Variants in OLFM3 observed in about 807,000 individuals in gnomAD.
OLFM3 encodes the protein olfactomedin 3.
In OLFM3, 20 loss-of-function variants were observed where a neutral mutation model predicts 48.6. The ratio of observed to expected loss-of-function variants is 0.41; its 90% CI spans 0.29 to 0.60. OLFM3 has a LOEUF of 0.60. OLFM3 is among the 20% of genes least tolerant of loss of function. The probability of loss-of-function intolerance (pLI) is 0.28; values close to 1 mark genes in which losing one functional copy is unlikely to be tolerated. For synonymous variants in OLFM3, 222 were observed against 198.1 expected, an observed-to-expected ratio of 1.12 and a Z score of -1.01; for missense variants, 437 against 544.3, an observed-to-expected ratio of 0.80 and a Z score of 1.96.
chr1:101,830,384 A>G (rs796140884), intron 3 of OLFM3, among the ~76,000 whole-genome samples: 31 of 152,322 alleles, frequency 2.0e-4, no homozygotes, highest in African/African-American at 5.5e-4. Flanking sequence ...GCATAAAACC[A>G]TTAGAGAAAC....
intron 1 of OLFM3, among the ~76,000 whole-genome samples, chr1:101,978,567 A>G (rs2101105687): frequency 6.6e-6 from 1 of 152,312 alleles, no homozygotes; most frequent in Admixed American, 6.5e-5. Flanking sequence ...CATTTAAAAA[A>G]TTATGTAATT....
At chr1:101,874,455 T>A (rs1372191016) in intron 1 of OLFM3, among the ~76,000 whole-genome samples, 5 of 151,168 alleles carry the variant, frequency 3.3e-5, no homozygotes, top group African/African-American at 1.2e-4. Context: ...CAATTTCTTT[T>A]CTGTATCTTT....
chr1:101,982,244 T>C (rs1010145380), intron 1 of OLFM3, among the ~76,000 whole-genome samples: 3 of 152,146 alleles, frequency 2.0e-5, no homozygotes, highest in African/African-American at 7.2e-5. Flanking sequence ...ATGATTATCA[T>C]AGGGTCCAAT....
At chr1:101,893,620 T>C (rs563388195) in intron 1 of OLFM3, 37 of 208,452 alleles carry the variant, frequency 1.8e-4, no homozygotes, top group African/African-American at 8.4e-4. Flanking sequence ...TGTATGGATA[T>C]ACAGCTGGTT....
At chr1:101,812,749 G>A (rs1250639403) in intron 4 of OLFM3, 1 of 987,470 alleles carries the variant, frequency 1.0e-6, no homozygotes, top group Non-Finnish European at 1.2e-6. Flanking sequence ...GAGGTTAAAA[G>A]CTTCTGGCTC....
intron 1 of OLFM3, among the ~76,000 whole-genome samples, chr1:101,957,825 G>A (rs144927977): frequency 3.1e-4 from 47 of 152,146 alleles, no homozygotes; most frequent in African/African-American, 1.1e-3. Flanking sequence ...ATAAGGAAGT[G>A]AGAATGGAAA....
rs553587401 is a variant in OLFM3, at chr1:101,910,581, G to A, written c.70-73556C>T. On this transcript the variant is annotated intron_variant, in intron 1 of 5. Coordinates refer to ENST00000370103, the MANE Select transcript of OLFM3 (RefSeq NM_058170.4). ...TCAACATGAACTGAAAAATATATGC[G>A]GTATACATAAAATATACTTAAAATC... Among the ~76,000 whole-genome samples the A allele has an allele frequency of 9.9e-5, 15 of 152,072 alleles. No homozygotes were observed. In the South Asian group the frequency reaches 2.5e-3, roughly 25 times the overall value.
intron 1 of OLFM3, among the ~76,000 whole-genome samples, chr1:101,993,779 G>T (rs1262313638): frequency 6.6e-6 from 1 of 151,964 alleles, no homozygotes; most frequent in Non-Finnish European, 1.5e-5. Flanking sequence ...CAGTAAATGA[G>T]AGAAAAGAAA....
intron 4 of OLFM3, among the ~76,000 whole-genome samples, chr1:101,821,471 C>A (rs1177102979): frequency 6.6e-6 from 1 of 151,840 alleles, no homozygotes; most frequent in Non-Finnish European, 1.5e-5. Context: ...TGGCTTTATA[C>A]TTCACTGTAT....
At chr1:101,883,495 C>T (rs1421268305) in intron 1 of OLFM3, among the ~76,000 whole-genome samples, 1 of 151,740 alleles carries the variant, frequency 6.6e-6, no homozygotes, top group Non-Finnish European at 1.5e-5. Context: ...GGAGTACCTC[C>T]TATTGTATAT....
At chr1:101,849,732 G>C (rs1011089182) in intron 1 of OLFM3, among the ~76,000 whole-genome samples, 3 of 152,144 alleles carry the variant, frequency 2.0e-5, no homozygotes, top group Non-Finnish European at 4.4e-5. Flanking sequence ...ATTCCATAAA[G>C]GTCTGCACAA....
chr1:101,891,120 C>T (rs946768040), intron 1 of OLFM3, among the ~76,000 whole-genome samples: 2 of 151,958 alleles, frequency 1.3e-5, no homozygotes, highest in Admixed American at 1.3e-4. Context: ...GTTGAACTAA[C>T]GTCAGCACCC....
At chr1:101,948,243 A>G (rs1429362392) in intron 1 of OLFM3, among the ~76,000 whole-genome samples, 1 of 152,192 alleles carries the variant, frequency 6.6e-6, no homozygotes, top group Non-Finnish European at 1.5e-5. Context: ...TACTGATAAT[A>G]AATTGTTCAA....
intron 1 of OLFM3, among the ~76,000 whole-genome samples, chr1:101,876,132 G>C (rs1657290562): frequency 6.6e-6 from 1 of 151,930 alleles, no homozygotes; most frequent in African/African-American, 2.4e-5. Context: ...GGACCTCTCT[G>C]TTTAAAATTT....
intron 1 of OLFM3, among the ~76,000 whole-genome samples, chr1:101,965,404 T>C (rs1037253597): frequency 2.6e-5 from 4 of 152,248 alleles, no homozygotes; most frequent in African/African-American, 9.6e-5. Context: ...TGCACATTTA[T>C]TGTAGCCAGA....
At chr1:101,821,548 A>C (rs1378814635) in intron 4 of OLFM3, among the ~76,000 whole-genome samples, 4 of 152,054 alleles carry the variant, frequency 2.6e-5, no homozygotes, top group African/African-American at 9.7e-5. Context: ...CAGCGGATAA[A>C]ATATCCTCTT....
At chr1:101,870,444 C>T (rs1657034531) in intron 1 of OLFM3, among the ~76,000 whole-genome samples, 1 of 152,164 alleles carries the variant, frequency 6.6e-6, no homozygotes, top group African/African-American at 2.4e-5. Flanking sequence ...CTTGAATTAG[C>T]TAAAGACAAC....
In OLFM3 at chr1:101,803,524, G is replaced by T. The variant is rs1414150330; in HGVS notation, c.*714C>A. On this transcript the variant is annotated 3_prime_UTR_variant, in exon 6 of 6. Coordinates refer to ENST00000370103, the MANE Select transcript of OLFM3 (RefSeq NM_058170.4). ...TTAGTTTATAATGCTTATGTAAAGG[G>T]GTAAGCCAAGAAGATTATTCTTGAC... 2 of 151,996 alleles carry T rather than the reference G, an allele frequency of 1.3e-5. No individual in the cohort carries two copies. Among genetic ancestry groups the T allele is most frequent in the Non-Finnish European group, 3.0e-5 (2 of 67,728 alleles). 9.4% of individuals were successfully genotyped at this position (151,996 alleles called of 1,614,324 possible).
At chr1:101,878,179 A>G (rs1441054244) in intron 1 of OLFM3, among the ~76,000 whole-genome samples, 2 of 151,938 alleles carry the variant, frequency 1.3e-5, no homozygotes, top group African/African-American at 4.8e-5. Context: ...TCTTAGAGAC[A>G]TTTATCAGAG....
Sources: gnomAD v4.1 joint callset for allele counts (sites outside exome capture counted in the v4.1 genomes callset) on GRCh38, gnomAD v4.1.1 for gene constraint, MANE v1.5 for transcripts, NCBI Gene and HGNC (gene_info 2026-07-23, HGNC 2026-07-21) for gene names.